Variants in DTX2 observed in about 807,000 individuals in gnomAD.
The protein encoded by DTX2 is deltex E3 ubiquitin ligase 2, also known as probable E3 ubiquitin-protein ligase DTX2.
Under a neutral mutation model 55.3 loss-of-function variants are expected in DTX2, and 29 were observed. That is an observed-to-expected ratio of 0.52 (90% CI 0.39 to 0.71). The LOEUF is 0.71. DTX2 is among the 30% of genes least tolerant of loss of function. The pLI, the probability that DTX2 is intolerant of heterozygous loss-of-function variation, is 0.00. For missense variants in DTX2, 537 were observed against 822.5 expected (o/e 0.65, Z 4.25); for synonymous variants, 276 against 340.4 (o/e 0.81, Z 2.08).
intron 5 of DTX2, among the ~76,000 whole-genome samples, chr7:76,496,243 TTCTAGTGGGGGCG>T (rs1378298795): frequency 1.2e-5 from 1 of 83,248 alleles, no homozygotes; most frequent in Non-Finnish European, 2.4e-5. Flanking sequence ...AGCTTTGTTC[TTCTAGTGGGGGCG>T]CAGTGGCTGG....
chr7:76,483,858 A>G (rs1008930412), intron 4 of DTX2, among the ~76,000 whole-genome samples: 21 of 151,974 alleles, frequency 1.4e-4, no homozygotes, highest in African/African-American at 5.1e-4. Flanking sequence ...GTCAGAGACC[A>G]GCCTGAGCAA....
At position 76,505,197 on chromosome 7, in the gene DTX2, T is replaced by C. The variant is rs1345385503; in HGVS notation, c.1642-177T>C. Among the ~76,000 whole-genome samples, 1 of 152,036 alleles carries C rather than the reference T, an allele frequency of 6.6e-6. No individual in the cohort carries two copies. The highest frequency in any genetic ancestry group is 1.5e-5 in the Non-Finnish European group (1 of 67,982). ...AGCCCAGGTTCATGTGGGATCCTAA[T>C]GTACTATCCAGTGGGCAGTTTTGGG... On this transcript the variant is annotated intron_variant, in intron 10 of 10. Coordinates refer to ENST00000430490, the MANE Select transcript of DTX2 (RefSeq NM_001102594.3). The surrounding 1 kb of genome is among the most constrained non-coding windows in gnomAD (Gnocchi z 4.4).
chr7:76,480,653 G>A lies in DTX2; in HGVS notation c.144G>A (p.Gln48=). 6.2e-7 allele frequency: 1 copy of A among 1,613,680 alleles called. No homozygotes were observed. The highest frequency in any genetic ancestry group is 1.7e-5 in the Admixed American group (1 of 60,012). ...VCSFIEQQFV[Q]QKGQRFGLGS... The stretch of plus-strand genomic sequence containing the variant: ...GCTTCATCGAGCAGCAGTTTGTCCA[G>A]CAGAAGGGCCAACGTTTTGGGCTTG... The change falls in exon 3 of 11, where the codon CAG becomes CAA. Residue 48 remains glutamine, a synonymous_variant. Coordinates refer to ENST00000430490, the MANE Select transcript of DTX2 (RefSeq NM_001102594.3).
chr7:76,476,472 G>T (rs1808554254), intron 2 of DTX2, among the ~76,000 whole-genome samples: 1 of 152,074 alleles, frequency 6.6e-6, no homozygotes, highest in Admixed American at 6.6e-5. Flanking sequence ...AAGAGCTGCA[G>T]CCCCAGCTCT....
In DTX2 at chr7:76,480,671, T is replaced by G. The variant is rs766952685; in HGVS notation, c.162T>G (p.Phe54Leu). ...TTGTCCAGCAGAAGGGCCAACGTTT[T>G]GGGCTTGGGAGCCTGGCCCACAGCA... Reference protein sequence around the residue: ...QQFVQQKGQRFGLGSLAHSIP... With the variant: ...QQFVQQKGQRLGLGSLAHSIP... Residue 54 changes from phenylalanine (F) to leucine (L), a missense_variant, in exon 3 of 11, where the codon TTT (phenylalanine) becomes TTG (leucine). Around this residue, in one of 7 missense-constraint regions of DTX2, gnomAD observed 301 missense variants for 396.6 expected, o/e 0.76. Transcript: ENST00000430490. 8.4e-5 allele frequency: 135 copies of G among 1,613,604 alleles called. No individual in the cohort carries two copies. Among genetic ancestry groups the G allele is most frequent in the Non-Finnish European group, 1.1e-4 (131 of 1,179,858 alleles).
intron 2 of DTX2, chr7:76,474,965 G>C (rs528022047): frequency 2.0e-5 from 3 of 152,090 alleles, no homozygotes; most frequent in Non-Finnish European, 4.4e-5. Context: ...AGGAAAAGCA[G>C]GGTTTGTTTT....
Position 76,482,735 on chromosome 7 carries a change from T to G in DTX2, c.496T>G (p.Ser166Ala). The change falls in exon 4 of 11, where the codon TCC becomes GCC. Residue 166 changes from serine to alanine, a missense_variant. This residue lies in a region of DTX2 where 301 missense variants were observed against 396.6 expected (regional missense o/e 0.76). Coordinates refer to ENST00000430490, the MANE Select transcript of DTX2 (RefSeq NM_001102594.3). ...CACCCACACGCAGACCAACAAGACT[T>G]CCAGCTTCTGCCGCAGCGTGCGGCG... The part of the protein sequence containing the change: ...YTTHTQTNKT[S>A]SFCRSVRRQA... The G allele has an allele frequency of 3.1e-6, 5 of 1,613,868 alleles. No individual in the cohort carries two copies. Among genetic ancestry groups the G allele is most frequent in the Non-Finnish European group, 4.2e-6 (5 of 1,179,812 alleles).
chr7:76,501,811 C>T (rs191917906), intron 7 of DTX2: 95 of 174,912 alleles, frequency 5.4e-4, no homozygotes, highest in Middle Eastern at 2.8e-3. Flanking sequence ...GCTGTCATGT[C>T]GGGCCTGTGC....
rs780368395 is a variant in DTX2 at position 76,482,752 on chromosome 7, C to T, written c.513C>T (p.Ser171=). Residue 171 remains serine, a synonymous_variant, in exon 4 of 11, where the codon AGC becomes AGT. Coordinates refer to ENST00000430490, the MANE Select transcript of DTX2 (RefSeq NM_001102594.3). ...ACAAGACTTCCAGCTTCTGCCGCAGCGTGCGGCGCCAAGCAGGGCCGCCTT... is the reference window on the plus strand; with the variant it reads ...ACAAGACTTCCAGCTTCTGCCGCAGTGTGCGGCGCCAAGCAGGGCCGCCTT... ...QTNKTSSFCR[S]VRRQAGPPYP... is the part of the protein sequence containing the mutation. The T allele has an allele frequency of 2.0e-5, 32 of 1,613,758 alleles. No homozygotes were observed. The highest frequency in any genetic ancestry group is 3.3e-4 in the Middle Eastern group (2 of 6,074).
chr7:76,486,778 C>T (rs1809946587), intron 4 of DTX2, among the ~76,000 whole-genome samples: 1 of 141,408 alleles, frequency 7.1e-6, no homozygotes, highest in Non-Finnish European at 1.6e-5. Flanking sequence ...GGGCGTTTTG[C>T]TCTGTGCTGA....
In DTX2 at chr7:76,480,620, C is replaced by G; in HGVS notation, c.111C>G (p.Thr37=). 1 of 1,613,500 alleles carries G rather than the reference C, an allele frequency of 6.2e-7. No homozygotes were observed. Among genetic ancestry groups the G allele is most frequent in the Non-Finnish European group, 8.5e-7 (1 of 1,179,942 alleles). The stretch of plus-strand genomic sequence containing the variant: ...GCACCTGGCACCCCTACAGTGCCAC[C>G]GTCTGCAGCTTCATCGAGCAGCAGT... The part of the protein sequence containing the change: ...GLGTWHPYSA[T]VCSFIEQQFV... Residue 37 remains threonine (T), a synonymous_variant, in exon 3 of 11, where the codon ACC becomes ACG. Transcript: ENST00000430490.
chr7:76,498,756 C>A, intron 6 of DTX2, among the ~76,000 whole-genome samples: 1 of 58,932 alleles, frequency 1.7e-5, no homozygotes, highest in African/African-American at 1.0e-4. Context: ...CTGGCGTTCT[C>A]GCCACCGTGA....
chr7:76,477,546 A>G (rs1217015330), intron 2 of DTX2, among the ~76,000 whole-genome samples: 1 of 151,592 alleles, frequency 6.6e-6, no homozygotes, highest in Non-Finnish European at 1.5e-5. Flanking sequence ...GAGAGCTTAG[A>G]TACTTCCATC....
chr7:76,464,071 G>A (rs2116066805), intron 2 of DTX2, among the ~76,000 whole-genome samples: 1 of 151,006 alleles, frequency 6.6e-6, no homozygotes, highest in East Asian at 2.0e-4. Context: ...ACAAAGCAGA[G>A]TCAGTGACAA....
chr7:76,480,086 A>G lies in DTX2; in HGVS notation c.-89-335A>G, dbSNP rs1437917610. On this transcript the variant is annotated intron_variant, in intron 2 of 10. Transcript: ENST00000430490. ...CACTTGGGAAGGCTGAGGCGAGTCT[A>G]TCCCTTGAGGCTGGGACTTTGAGAC... Among the ~76,000 whole-genome samples, 7 of 103,462 alleles carry G rather than the reference A, an allele frequency of 6.8e-5. 2 individuals are homozygous for G. Among genetic ancestry groups the G allele is most frequent in the African/African-American group, 2.1e-4 (5 of 23,644 alleles). 67.9% of individuals were successfully genotyped at this position (103,462 alleles called of 152,430 possible). A position where few individuals can be genotyped will look rare whatever the true frequency, so the allele number is the denominator to read the frequency against.
At chr7:76,502,746 G>T (rs993073444) in intron 8 of DTX2, 1 of 489,516 alleles carries the variant, frequency 2.0e-6, no homozygotes, top group Non-Finnish European at 3.7e-6. Context: ...TGAGCCCCAG[G>T]GCACCGCCTC....
At chr7:76,502,901 C>T (rs1015258080) in intron 8 of DTX2, 1 of 221,924 alleles carries the variant, frequency 4.5e-6, no homozygotes, top group African/African-American at 2.2e-5. Flanking sequence ...GGAGCCAGGC[C>T]TTGAGGCAGG....
rs1196580389 is a variant in DTX2 at position 76,505,308 on chromosome 7, C to G, written c.1642-66C>G. 1.5e-5 allele frequency: 20 copies of G among 1,352,036 alleles called. No homozygotes were observed. The highest frequency in any genetic ancestry group is 1.9e-5 in the Non-Finnish European group (19 of 977,500). The allele number at this position is 1,352,036 out of a possible 1,614,324, so 83.8% of individuals were successfully genotyped here. ...GGAAGAACATGGTGCCAACCCGTGC[C>G]TGCTCACTGAGCCCCTCTCACTCTC... is the stretch of plus-strand genomic sequence containing the variant. On this transcript the variant is annotated intron_variant, in intron 10 of 10. Coordinates refer to ENST00000430490, the MANE Select transcript of DTX2 (RefSeq NM_001102594.3). The surrounding 1 kb of genome is among the most constrained non-coding windows in gnomAD (Gnocchi z 4.4).
In DTX2 at chr7:76,503,419, C is replaced by T. The variant is rs1448372476; in HGVS notation, c.1390-7C>T. On this transcript the variant is annotated splice_polypyrimidine_tract_variant and splice_region_variant and intron_variant, in intron 8 of 10. Transcript: ENST00000430490. ...CCAGCTCAGTGGGTTGCGTCTGCCTCTGTCAGGATGGAAGTCTGCAGTGTC... is the reference window on the plus strand; with the variant it reads ...CCAGCTCAGTGGGTTGCGTCTGCCTTTGTCAGGATGGAAGTCTGCAGTGTC... 1 of 1,611,818 alleles carries T rather than the reference C, an allele frequency of 6.2e-7. No individual in the cohort carries two copies. Among genetic ancestry groups the T allele is most frequent in the Non-Finnish European group, 8.5e-7 (1 of 1,179,538 alleles).
Sources: allele counts gnomAD v4.1 joint callset (sites outside exome capture counted in the v4.1 genomes callset), GRCh38; gene constraint gnomAD v4.1.1; regional missense constraint gnomAD v4.1.1; non-coding constraint Gnocchi (gnomAD v3.1); transcripts MANE v1.5; gene names NCBI Gene and HGNC (gene_info 2026-07-23, HGNC 2026-07-21).